The following RGS7 variants were observed in gnomAD, a reference collection of about 807,000 sequenced individuals.
The protein encoded by RGS7 is regulator of G protein signaling 7, also known as regulator of G-protein signaling 7.
RGS7 carries 27 observed loss-of-function variants against 81.1 expected under a neutral mutation model. That is an observed-to-expected ratio of 0.33 (90% CI 0.25 to 0.46). The LOEUF is 0.46. RGS7 is among the 20% of genes least tolerant of loss of function. RGS7 has a pLI of 1.00. For synonymous variants in RGS7, 208 were observed against 207.7 expected (o/e 1.00, Z -0.01); for missense variants, 396 against 607.4 (o/e 0.65, Z 3.66).
At chr1:241,141,273 A>G (rs2067901482) in intron 2 of RGS7, among the ~76,000 whole-genome samples, 1 of 152,184 alleles carries the variant, frequency 6.6e-6, no homozygotes, top group African/African-American at 2.4e-5. Flanking sequence ...GCCCAGGAGA[A>G]AACAGCCATG....
chr1:241,327,796 T>A (rs1009224954), intron 2 of RGS7, among the ~76,000 whole-genome samples: 6 of 152,200 alleles, frequency 3.9e-5, no homozygotes, highest in Non-Finnish European at 5.9e-5. Flanking sequence ...TTATTGAAAT[T>A]CCTACAGGAA....
chr1:241,269,715 T>C (rs937788140), intron 2 of RGS7, among the ~76,000 whole-genome samples: 14 of 152,196 alleles, frequency 9.2e-5, no homozygotes, highest in Non-Finnish European at 1.5e-5. Flanking sequence ...CTGCTACTCT[T>C]TGAACCATAA....
intron 2 of RGS7, among the ~76,000 whole-genome samples, chr1:241,282,977 T>G (rs2078605978): frequency 1.3e-5 from 2 of 152,232 alleles, no homozygotes; most frequent in East Asian, 3.8e-4. Context: ...GCTTTAGTTT[T>G]TACATTATAT....
intron 2 of RGS7, among the ~76,000 whole-genome samples, chr1:241,175,389 G>T (rs887951351): frequency 9.2e-5 from 14 of 152,118 alleles, no homozygotes; most frequent in African/African-American, 3.4e-4. Context: ...ATTTGGATGG[G>T]ACTTGTCTGG....
chr1:240,835,244 T>G (rs945092790), intron 9 of RGS7, among the ~76,000 whole-genome samples: 6 of 152,026 alleles, frequency 3.9e-5, no homozygotes, highest in Non-Finnish European at 8.8e-5. Flanking sequence ...AACCCAACAA[T>G]AAGAAGATAC....
chr1:240,812,860 TCCCAA>T (rs1382047175), intron 13 of RGS7, among the ~76,000 whole-genome samples: 5 of 152,216 alleles, frequency 3.3e-5, no homozygotes, highest in Non-Finnish European at 7.3e-5. Flanking sequence ...TGTGACCTAA[TCCCAA>T]CTGAGTCACA....
chr1:241,199,411 A>C (rs967978931), intron 2 of RGS7, among the ~76,000 whole-genome samples: 8 of 151,948 alleles, frequency 5.3e-5, no homozygotes, highest in African/African-American at 1.7e-4. Flanking sequence ...TGACAGAGTG[A>C]GACTGTCTCA....
intron 6 of RGS7, among the ~76,000 whole-genome samples, chr1:240,889,641 G>C (rs261813): frequency 6.6e-6 from 1 of 152,204 alleles, no homozygotes; most frequent in Non-Finnish European, 1.5e-5. Context: ...AATAATAATC[G>C]TGGTAATGAT....
chr1:241,206,058 A>G (rs565220789), intron 2 of RGS7, among the ~76,000 whole-genome samples: 6 of 151,832 alleles, frequency 4.0e-5, no homozygotes, highest in Non-Finnish European at 8.8e-5. Flanking sequence ...CAGTTGACTC[A>G]GCCCCCAAAA....
At chr1:241,082,393 A>G (rs1429561642) in intron 3 of RGS7, among the ~76,000 whole-genome samples, 1 of 152,250 alleles carries the variant, frequency 6.6e-6, no homozygotes, top group East Asian at 1.9e-4. Context: ...ATGGCTACAA[A>G]GAAAACCAAA....
chr1:240,875,240 G>A lies in RGS7; in HGVS notation c.386-5121C>T, dbSNP rs533604519. ...TCACCATTCTACTTTTTGCTTCTAT[G>A]AGATAAACTTTTTTCAGATTCCACA... On this transcript the variant is annotated intron_variant, in intron 6 of 18. Coordinates refer to ENST00000440928, the MANE Select transcript of RGS7 (RefSeq NM_001364886.1). 2.6e-5 allele frequency among the ~76,000 whole-genome samples: 4 copies of A among 152,174 alleles called. No individual in the cohort carries two copies. The East Asian group carries it at 5.8e-4, about 22-fold the overall frequency.
intron 6 of RGS7, among the ~76,000 whole-genome samples, chr1:240,871,273 T>C (rs1664443346): frequency 6.6e-6 from 1 of 152,200 alleles, no homozygotes; most frequent in Non-Finnish European, 1.5e-5. Context: ...TTACTTATTG[T>C]AAGTCTACCT....
chr1:241,062,631 T>C (rs2061799770), intron 3 of RGS7, among the ~76,000 whole-genome samples: 1 of 152,224 alleles, frequency 6.6e-6, no homozygotes, highest in Admixed American at 6.5e-5. Context: ...AGGCTGCTCA[T>C]ATTTTCCGGC....
intron 2 of RGS7, among the ~76,000 whole-genome samples, chr1:241,261,765 T>A (rs543821277): frequency 0.16 from 20,882 of 133,902 alleles, 1,750 homozygotes; most frequent in Admixed American, 0.26. Flanking sequence ...ATGTTAATTT[T>A]AACCAAAAAA....
At chr1:240,848,195 T>C (rs990223648) in intron 9 of RGS7, among the ~76,000 whole-genome samples, 13 of 152,166 alleles carry the variant, frequency 8.5e-5, no homozygotes, top group Non-Finnish European at 1.9e-4. Flanking sequence ...GATAGGTGAA[T>C]GGAGCTGCCT....
intron 4 of RGS7, among the ~76,000 whole-genome samples, chr1:240,964,680 G>A (rs1019843175): frequency 8.5e-5 from 13 of 152,112 alleles, no homozygotes; most frequent in Admixed American, 6.5e-4. Context: ...TTTATTAAAC[G>A]CATCACAGTC....
intron 9 of RGS7, among the ~76,000 whole-genome samples, chr1:240,831,889 G>A (rs1031728510): frequency 8.5e-5 from 13 of 152,080 alleles, no homozygotes; most frequent in African/African-American, 3.1e-4. Context: ...CACCCGCCTT[G>A]GCCTCCCGAA....
intron 4 of RGS7, among the ~76,000 whole-genome samples, chr1:240,948,344 C>T (rs1346289477): frequency 6.6e-6 from 1 of 152,008 alleles, no homozygotes; most frequent in African/African-American, 2.4e-5. Context: ...AATATGAGAG[C>T]GGAAATGGAT....
chr1:240,835,424 A>C (rs1030378824), intron 9 of RGS7, among the ~76,000 whole-genome samples: 5 of 152,230 alleles, frequency 3.3e-5, no homozygotes, highest in African/African-American at 1.2e-4. Context: ...GCCAAAATCC[A>C]GAACGCTGAA....
Sources: gnomAD v4.1 joint callset for allele counts (sites outside exome capture counted in the v4.1 genomes callset) on GRCh38, gnomAD v4.1.1 for gene constraint, MANE v1.5 for transcripts, NCBI Gene and HGNC (gene_info 2026-07-23, HGNC 2026-07-21) for gene names.